NAV3: variants seen among roughly 807,000 people sequenced by gnomAD.
NAV3 encodes neuron navigator 3.
Under a neutral mutation model 244.7 loss-of-function variants are expected in NAV3, and 87 were observed. The observed-to-expected ratio is 0.36, with a 90% confidence interval of 0.30 to 0.42. The LOEUF (loss-of-function observed/expected upper bound fraction) is 0.42, where lower values mean the gene tolerates loss of function less well. NAV3 is among the 20% of genes least tolerant of loss of function. The probability of loss-of-function intolerance (pLI) is 1.00; values close to 1 mark genes in which losing one functional copy is unlikely to be tolerated. For synonymous variants in NAV3, 1,126 were observed against 1,042.2 expected, an observed-to-expected ratio of 1.08 and a Z score of -1.55; for missense variants, 2,663 against 2,893.3, an observed-to-expected ratio of 0.92 and a Z score of 1.83.
chr12:78,202,303 T>A (rs1220049218), intron 38 of NAV3, among the ~76,000 whole-genome samples: 1 of 152,090 alleles, frequency 6.6e-6, no homozygotes, highest in East Asian at 1.9e-4. Context: ...ATTTGTTCTC[T>A]AGCTATGGTT....
At chr12:77,597,887 A>G (rs1188706157) in intron 2 of NAV3, among the ~76,000 whole-genome samples, 1 of 152,092 alleles carries the variant, frequency 6.6e-6, no homozygotes, top group Non-Finnish European at 1.5e-5. Flanking sequence ...ACAGTCTTAA[A>G]AAGGAGAAAG....
intron 2 of NAV3, among the ~76,000 whole-genome samples, chr12:77,814,926 T>C (rs1255611089): frequency 6.6e-6 from 1 of 152,166 alleles, no homozygotes; most frequent in Non-Finnish European, 1.5e-5. Flanking sequence ...AGAGTGGAAA[T>C]ATATGCTGCT....
chr12:77,691,333 G>GTACATATATATATATATATATATATA (rs1214933751), intron 2 of NAV3, among the ~76,000 whole-genome samples: 2 of 100,944 alleles, frequency 2.0e-5, no homozygotes, highest in African/African-American at 7.7e-5. Flanking sequence ...ATTTGTGTAT[G>GTACATATATATATATATATATATATA]TGTGTATATA....
intron 38 of NAV3, among the ~76,000 whole-genome samples, chr12:78,201,722 C>A (rs1959725647): frequency 6.6e-6 from 1 of 152,048 alleles, no homozygotes; most frequent in Non-Finnish European, 1.5e-5. Context: ...AGGATCTCAT[C>A]TCCTTTTCAG....
intron 1 of NAV3, among the ~76,000 whole-genome samples, chr12:77,861,982 C>A (rs543545100): frequency 6.6e-6 from 1 of 151,782 alleles, no homozygotes; most frequent in South Asian, 2.1e-4. Context: ...TAAATACTAT[C>A]GAAAGTCAAG....
At chr12:77,937,963 TACA>T (rs747298013) in intron 1 of NAV3, among the ~76,000 whole-genome samples, 40 of 152,196 alleles carry the variant, frequency 2.6e-4, no homozygotes, top group Non-Finnish European at 4.7e-4. Context: ...CTCCTTGTTT[TACA>T]ACAAGACTTT....
At chr12:78,115,197 TA>T (rs1795382634) in intron 12 of NAV3, among the ~76,000 whole-genome samples, 1 of 152,216 alleles carries the variant, frequency 6.6e-6, no homozygotes, top group Admixed American at 6.5e-5. Flanking sequence ...AGGAGCCTTT[TA>T]AATCCATGTG....
intron 2 of NAV3, among the ~76,000 whole-genome samples, chr12:77,576,912 G>A (rs934375047): frequency 6.6e-6 from 1 of 151,878 alleles, no homozygotes; most frequent in Non-Finnish European, 1.5e-5. Flanking sequence ...GAGCATGAGG[G>A]ATGATGAGGT....
intron 38 of NAV3, among the ~76,000 whole-genome samples, chr12:78,200,979 CTCCT>C (rs1337592171): frequency 1.3e-5 from 2 of 150,670 alleles, no homozygotes; most frequent in African/African-American, 4.9e-5. Context: ...TCTTTTCTTT[CTCCT>C]TCCTTCCTCA....
rs143300007 is a variant in NAV3 at position 77,670,661 on chromosome 12, G to A, written c.72+98395G>A. On this transcript the variant is annotated intron_variant, in intron 2 of 8. Transcript: ENST00000550042. ...CATAAGTCAATAAATGTGATACACC[G>A]CTTAAGCAGAATTAAAAACAAAAAT... Among the ~76,000 whole-genome samples the A allele has an allele frequency of 2.2e-3, 334 of 152,040 alleles. 1 individual carries two copies. The highest frequency in any genetic ancestry group is 7.2e-3 in the African/African-American group (297 of 41,524).
At chr12:77,683,657 A>G (rs1874575532) in intron 2 of NAV3, among the ~76,000 whole-genome samples, 1 of 152,074 alleles carries the variant, frequency 6.6e-6, no homozygotes, top group African/African-American at 2.4e-5. Flanking sequence ...ATTTTTAATT[A>G]TTATTTGTTC....
chr12:77,655,037 TA>T (rs917762034), intron 2 of NAV3, among the ~76,000 whole-genome samples: 2 of 151,996 alleles, frequency 1.3e-5, no homozygotes, highest in African/African-American at 2.4e-5. Context: ...CTGGAAACTC[TA>T]AAAAGCAGAG....
intron 9 of NAV3, among the ~76,000 whole-genome samples, chr12:78,039,891 A>C (rs1185240139): frequency 6.6e-6 from 1 of 152,062 alleles, no homozygotes; most frequent in Non-Finnish European, 1.5e-5. Context: ...AAGCCATTCC[A>C]TTGTGTTTGA....
chr12:77,800,918 C>T (rs1474293697), intron 2 of NAV3, among the ~76,000 whole-genome samples: 2 of 151,926 alleles, frequency 1.3e-5, no homozygotes, highest in African/African-American at 4.8e-5. Context: ...CTTTTAAGAA[C>T]ATTAGAACTC....
chr12:77,696,778 A>G (rs548305658), intron 2 of NAV3, among the ~76,000 whole-genome samples: 47 of 152,250 alleles, frequency 3.1e-4, no homozygotes, highest in Middle Eastern at 6.8e-3. Flanking sequence ...TCCTACTCTC[A>G]TTGTTCACCT....
upstream of NAV3, among the ~76,000 whole-genome samples, chr12:77,830,267 G>C (rs961376277): frequency 6.6e-6 from 1 of 152,174 alleles, no homozygotes; most frequent in Non-Finnish European, 1.5e-5. Flanking sequence ...GAATAACAGT[G>C]TTATTTTCAA....
At chr12:78,073,193 T>G (rs368749731) in intron 12 of NAV3, among the ~76,000 whole-genome samples, 1 of 134,412 alleles carries the variant, frequency 7.4e-6, no homozygotes, top group East Asian at 2.2e-4. Context: ...CCAGGGCAAT[T>G]AGGCAGGAGA....
intron 2 of NAV3, among the ~76,000 whole-genome samples, chr12:77,821,644 A>G (rs2136032806): frequency 6.6e-6 from 1 of 152,290 alleles, no homozygotes; most frequent in Non-Finnish European, 1.5e-5. Context: ...TGTTTTAGCC[A>G]ATTTTATTTG....
chr12:77,575,577 C>T (rs1869041795), intron 2 of NAV3, among the ~76,000 whole-genome samples: 2 of 152,040 alleles, frequency 1.3e-5, no homozygotes, highest in Admixed American at 1.3e-4. Flanking sequence ...ATATTGCTGC[C>T]AGCTAATTTT....
Sources: gnomAD v4.1 joint callset for allele counts (sites outside exome capture counted in the v4.1 genomes callset) on GRCh38, gnomAD v4.1.1 for gene constraint, MANE v1.5 for transcripts, NCBI Gene and HGNC (gene_info 2026-07-23, HGNC 2026-07-21) for gene names.